TAFA4: variants seen among roughly 807,000 people sequenced by gnomAD.
TAFA4 encodes TAFA chemokine like family member 4.
A neutral mutation model predicts 21.1 loss-of-function variants in TAFA4; 20 were observed. The ratio of observed to expected loss-of-function variants is 0.95; its 90% CI spans 0.67 to 1.38. The LOEUF is 1.38. Ranked by LOEUF, TAFA4 falls within the 40% of genes most tolerant of loss-of-function variation. The probability of loss-of-function intolerance (pLI) is 0.00; values close to 1 mark genes in which losing one functional copy is unlikely to be tolerated. For synonymous variants in TAFA4, 71 were observed against 67.4 expected, an observed-to-expected ratio of 1.05 and a Z score of -0.26; for missense variants, 211 against 180.9, an observed-to-expected ratio of 1.17 and a Z score of -0.95.
intron 3 of TAFA4, among the ~76,000 whole-genome samples, chr3:68,830,827 C>G (rs1195191342): frequency 1.3e-5 from 2 of 152,138 alleles, no homozygotes; most frequent in Non-Finnish European, 2.9e-5. Flanking sequence ...GAGTCTAAGT[C>G]TCTTTGTAGG....
At chr3:68,786,291 G>T (rs1025887548) in intron 3 of TAFA4, among the ~76,000 whole-genome samples, 1 of 152,132 alleles carries the variant, frequency 6.6e-6, no homozygotes, top group African/African-American at 2.4e-5. Context: ...AATTACTGGA[G>T]GAAACACAAG....
intron 1 of TAFA4, among the ~76,000 whole-genome samples, chr3:68,894,559 G>A (rs546644036): frequency 6.6e-6 from 1 of 152,304 alleles, no homozygotes; most frequent in East Asian, 1.9e-4. Flanking sequence ...CTCAGCGCTG[G>A]CATTATACTG....
At chr3:68,775,505 TG>T (rs1209797166) in intron 3 of TAFA4, among the ~76,000 whole-genome samples, 11 of 152,174 alleles carry the variant, frequency 7.2e-5, no homozygotes, top group Admixed American at 3.3e-4. Context: ...ACAGTACCCC[TG>T]TTCCCAACTC....
intron 3 of TAFA4, among the ~76,000 whole-genome samples, chr3:68,818,337 A>G (rs1704033553): frequency 1.3e-5 from 2 of 152,302 alleles, no homozygotes; most frequent in African/African-American, 4.8e-5. Flanking sequence ...GGTTTGATCT[A>G]TCCAGATTAA....
intron 3 of TAFA4, among the ~76,000 whole-genome samples, chr3:68,872,894 C>A (rs1357605761): frequency 6.6e-6 from 1 of 152,120 alleles, no homozygotes; most frequent in Non-Finnish European, 1.5e-5. Context: ...AAGGCACAAG[C>A]ATTTTGACTT....
At position 68,744,658 on chromosome 3, in the gene TAFA4, G is replaced by A. The variant is rs554028058; in HGVS notation, c.287-5459C>T. Among the ~76,000 whole-genome samples, 3 of 152,252 alleles carry A rather than the reference G, an allele frequency of 2.0e-5. No homozygotes were observed. In the South Asian group the frequency reaches 6.2e-4, roughly 32 times the overall value. On this transcript the variant is annotated intron_variant, in intron 4 of 5. Coordinates refer to ENST00000295569, the MANE Select transcript of TAFA4 (RefSeq NM_182522.5). ...GCCAAAACCTAGAAAAGGAGCTGGA[G>A]GGGGAAATAAAAATGACGGATCCGG...
At chr3:68,820,340 C>T (rs1338167836) in intron 3 of TAFA4, among the ~76,000 whole-genome samples, 1 of 152,172 alleles carries the variant, frequency 6.6e-6, no homozygotes, top group Non-Finnish European at 1.5e-5. Flanking sequence ...AAGTGATCTA[C>T]TGCACATCAT....
chr3:68,917,039 G>A (rs539964603), intron 1 of TAFA4, among the ~76,000 whole-genome samples: 4 of 152,278 alleles, frequency 2.6e-5, no homozygotes, highest in South Asian at 2.1e-4. Flanking sequence ...TGTGACGTAC[G>A]TAGCTAGCAT....
intron 3 of TAFA4, among the ~76,000 whole-genome samples, chr3:68,861,030 A>ACCCCCCCCC (rs113804738): frequency 3.6e-4 from 40 of 111,004 alleles, no homozygotes; most frequent in Non-Finnish European, 4.7e-4. Context: ...TTAAATATGC[A>ACCCCCCCCC]CCCCCCCCCC....
At chr3:68,812,338 T>C (rs540134748) in intron 3 of TAFA4, among the ~76,000 whole-genome samples, 1 of 152,252 alleles carries the variant, frequency 6.6e-6, no homozygotes, top group South Asian at 2.1e-4. Context: ...TAACCTTAAA[T>C]GTAAGTGGGC....
intron 4 of TAFA4, among the ~76,000 whole-genome samples, chr3:68,748,544 C>T (rs995128245): frequency 6.6e-6 from 1 of 152,142 alleles, no homozygotes; most frequent in African/African-American, 2.4e-5. Flanking sequence ...AGATCGAGAC[C>T]ATCCTGGCTA....
At position 68,811,720 on chromosome 3, in the gene TAFA4, G is replaced by A. The variant is rs1703844278; in HGVS notation, c.131-58702C>T. Among the ~76,000 whole-genome samples, 6 of 152,306 alleles carry A rather than the reference G, an allele frequency of 3.9e-5. No homozygotes were observed. The South Asian group carries it at 1.2e-3, about 32-fold the overall frequency. ...TGATTGGTGTATCTGAAAGTGACGGGGAGAATGGAACCAAGTTGGAAAACA... is the reference window on the plus strand; with the variant it reads ...TGATTGGTGTATCTGAAAGTGACGGAGAGAATGGAACCAAGTTGGAAAACA... On this transcript the variant is annotated intron_variant, in intron 3 of 5. Coordinates refer to ENST00000295569, the MANE Select transcript of TAFA4 (RefSeq NM_182522.5).
intron 1 of TAFA4, among the ~76,000 whole-genome samples, chr3:68,924,168 G>C (rs1666691723): frequency 1.3e-5 from 2 of 152,272 alleles, no homozygotes; most frequent in South Asian, 4.1e-4. Flanking sequence ...AAAGCATCTT[G>C]AACAGATGTT....
At chr3:68,907,616 C>A (rs769445967) in intron 1 of TAFA4, among the ~76,000 whole-genome samples, 1 of 152,136 alleles carries the variant, frequency 6.6e-6, no homozygotes, top group Non-Finnish European at 1.5e-5. Flanking sequence ...GCTTTCCATA[C>A]AGGGGAGAGG....
intron 3 of TAFA4, among the ~76,000 whole-genome samples, chr3:68,833,070 T>C (rs1002828375): frequency 7.9e-5 from 12 of 152,160 alleles, no homozygotes; most frequent in African/African-American, 2.4e-4. Flanking sequence ...AAAAGCATAG[T>C]ATTTGGGCAG....
intron 3 of TAFA4, among the ~76,000 whole-genome samples, chr3:68,785,738 C>T (rs888089228): frequency 6.6e-6 from 1 of 152,062 alleles, no homozygotes. Context: ...GGCTGAAGGG[C>T]TCCTCAAGTG....
chr3:68,838,664 T>TA (rs1704580460), intron 3 of TAFA4, among the ~76,000 whole-genome samples: 1 of 152,202 alleles, frequency 6.6e-6, no homozygotes, highest in Admixed American at 6.5e-5. Flanking sequence ...ACCCCTTTGT[T>TA]AACCCTTTAA....
Position 68,867,208 on chromosome 3 carries a change from G to A in TAFA4, c.130+13522C>T, listed in dbSNP as rs556873721. Among the ~76,000 whole-genome samples the A allele has an allele frequency of 9.9e-5, 15 of 152,218 alleles. No individual in the cohort carries two copies. In the South Asian group the frequency reaches 2.3e-3, roughly 23 times the overall value. Reference sequence around the variant, plus strand: ...TGAGGAAAGCAGCTAATAACATGTTGAGGAGCTCTGAATCGTCTGGCAACA... The same window carrying A: ...TGAGGAAAGCAGCTAATAACATGTTAAGGAGCTCTGAATCGTCTGGCAACA... On this transcript the variant is annotated intron_variant, in intron 3 of 5. Coordinates refer to ENST00000295569, the MANE Select transcript of TAFA4 (RefSeq NM_182522.5).
intron 3 of TAFA4, among the ~76,000 whole-genome samples, chr3:68,874,752 T>C (rs892970831): frequency 6.6e-6 from 1 of 151,738 alleles, no homozygotes; most frequent in Non-Finnish European, 1.5e-5. Flanking sequence ...ACTGAAATTC[T>C]TTACTCCCGT....
Sources: allele counts gnomAD v4.1 joint callset (sites outside exome capture counted in the v4.1 genomes callset), GRCh38; gene constraint gnomAD v4.1.1; transcripts MANE v1.5; gene names NCBI Gene and HGNC (gene_info 2026-07-23, HGNC 2026-07-21).